The following RTN1 variants were observed in gnomAD, a reference collection of about 807,000 sequenced individuals.
RTN1 encodes the protein reticulon-1.
Under a neutral mutation model 65.5 loss-of-function variants are expected in RTN1, and 25 were observed. That is an observed-to-expected ratio of 0.38 (90% CI 0.28 to 0.53). The LOEUF is 0.53. Among genes scored for constraint, RTN1 ranks in the 20% least tolerant of loss-of-function variants. The pLI is 0.79. For synonymous variants in RTN1, 471 were observed against 447.6 expected (o/e 1.05, Z -0.66); for missense variants, 983 against 1,025.4 (o/e 0.96, Z 0.57).
Position 59,870,638 on chromosome 14 carries a change from G to A in RTN1, c.-8C>T, listed in dbSNP as rs1450458516. 5 of 1,378,762 alleles carry A rather than the reference G, an allele frequency of 3.6e-6. No homozygotes were observed. The allele number at this position is 1,378,762 out of a possible 1,614,324, so 85.4% of individuals were successfully genotyped here. On this transcript the variant is annotated 5_prime_UTR_variant, in exon 1 of 9. Coordinates refer to ENST00000267484, the MANE Select transcript of RTN1 (RefSeq NM_021136.3). This position sits in a 1 kb window ranked among gnomAD's most constrained non-coding sequence, Gnocchi z 5.1. Reference sequence around the variant, plus strand: ...ATCCCCCGGCGCGGCCATGGCTGGCGGTCCCCCGGCGCGGCGACGGCGGCT... The same window carrying A: ...ATCCCCCGGCGCGGCCATGGCTGGCAGTCCCCCGGCGCGGCGACGGCGGCT...
At chr14:59,670,174 G>A (rs1883472850) in intron 3 of RTN1, among the ~76,000 whole-genome samples, 1 of 152,196 alleles carries the variant, frequency 6.6e-6, no homozygotes, top group Admixed American at 6.5e-5. Context: ...AGTGTAGTGA[G>A]ATAGTGTAAA....
chr14:59,746,201 C>T lies in RTN1; in HGVS notation c.522G>A (p.Glu174=). The change falls in exon 2 of 9, where the codon GAG becomes GAA. Residue 174 remains glutamate (E), a synonymous_variant. Transcript: ENST00000267484. ...SDSGIEMTPA[E]STEVNKILAD... Reference sequence around the variant, plus strand: ...CTAAGATCTTGTTCACTTCCGTGGACTCTGCAGGAGTCATCTCTATTCCAG... The same window carrying T: ...CTAAGATCTTGTTCACTTCCGTGGATTCTGCAGGAGTCATCTCTATTCCAG... 3 of 1,610,990 alleles carry T rather than the reference C, an allele frequency of 1.9e-6. No individual in the cohort carries two copies. Among genetic ancestry groups the T allele is most frequent in the Non-Finnish European group, 2.5e-6 (3 of 1,178,850 alleles).
intron 2 of RTN1, among the ~76,000 whole-genome samples, chr14:59,733,087 T>C (rs1884934062): frequency 6.7e-6 from 1 of 150,162 alleles, no homozygotes; most frequent in Admixed American, 6.6e-5. Flanking sequence ...TGCTTTTTTT[T>C]TTTTTCTTTC....
At chr14:59,795,538 T>G (rs532288133) in intron 1 of RTN1, among the ~76,000 whole-genome samples, 1 of 152,098 alleles carries the variant, frequency 6.6e-6, no homozygotes, top group Non-Finnish European at 1.5e-5. Context: ...CCATCTCTAT[T>G]TATAAAAGTA....
chr14:59,857,047 T>C (rs1887621091), intron 1 of RTN1, among the ~76,000 whole-genome samples: 1 of 152,190 alleles, frequency 6.6e-6, no homozygotes, highest in South Asian at 2.1e-4. Context: ...CAGTCAGGGC[T>C]CATTCTGTAC....
intron 1 of RTN1, among the ~76,000 whole-genome samples, chr14:59,750,372 C>CTATAATATA (rs1885463426): frequency 1.5e-4 from 3 of 20,582 alleles, no homozygotes; most frequent in African/African-American, 7.0e-4. Flanking sequence ...TATATTATAT[C>CTATAATATA]TATATATTAT....
intron 3 of RTN1, chr14:59,630,481 TTGG>T: frequency 6.2e-7 from 1 of 1,613,846 alleles, no homozygotes; most frequent in East Asian, 2.2e-5. Context: ...ACAGTCCATC[TTGG>T]TGGAATCGGC....
intron 1 of RTN1, among the ~76,000 whole-genome samples, chr14:59,749,718 T>C (rs1367772982): frequency 1.6e-4 from 13 of 80,938 alleles, no homozygotes; most frequent in Middle Eastern, 0.016. Context: ...TCTATATATT[T>C]ATATATCTAT....
intron 1 of RTN1, among the ~76,000 whole-genome samples, chr14:59,811,963 G>A (rs568241543): frequency 6.6e-6 from 1 of 152,138 alleles, no homozygotes. Context: ...TAGGAAGGAG[G>A]AAAGGAGGGA....
chr14:59,636,458 T>C (rs1367286000), intron 3 of RTN1, among the ~76,000 whole-genome samples: 3 of 152,208 alleles, frequency 2.0e-5, no homozygotes, highest in African/African-American at 4.8e-5. Flanking sequence ...ACTGAGCAGA[T>C]GTTCGTGGCA....
intron 3 of RTN1, among the ~76,000 whole-genome samples, chr14:59,613,222 T>C (rs1882007662): frequency 6.6e-6 from 1 of 152,232 alleles, no homozygotes; most frequent in Non-Finnish European, 1.5e-5. Flanking sequence ...ATAAGAAATA[T>C]GAAAGGATTT....
At chr14:59,678,132 G>A (rs945956349) in intron 3 of RTN1, among the ~76,000 whole-genome samples, 2 of 152,146 alleles carry the variant, frequency 1.3e-5, no homozygotes, top group African/African-American at 4.8e-5. Flanking sequence ...TATAAACCCT[G>A]GAAAACAAGC....
At position 59,789,406 on chromosome 14, in the gene RTN1, T is replaced by C. The variant is rs1886307836; in HGVS notation, c.242-42925A>G. Reference sequence around the variant, plus strand: ...AGTTACTACTTCCTTTTCTTAAAGATTGAATTTTATCAAGTGCCTCTTTGG... The same window carrying C: ...AGTTACTACTTCCTTTTCTTAAAGACTGAATTTTATCAAGTGCCTCTTTGG... On this transcript the variant is annotated intron_variant, in intron 1 of 8. Transcript: ENST00000267484. Among the ~76,000 whole-genome samples, 3 of 152,170 alleles carry C rather than the reference T, an allele frequency of 2.0e-5. 1 individual carries two copies. Among genetic ancestry groups the C allele is most frequent in the South Asian group, 4.1e-4 (2 of 4,832 alleles).
At chr14:59,819,855 C>G (rs530300390) in intron 1 of RTN1, among the ~76,000 whole-genome samples, 1 of 152,136 alleles carries the variant, frequency 6.6e-6, no homozygotes, top group African/African-American at 2.4e-5. Flanking sequence ...GCCAGCCAGC[C>G]GCTCCGAGTG....
At position 59,749,580 on chromosome 14, in the gene RTN1, T is replaced by G. The variant is rs1275041878; in HGVS notation, c.242-3099A>C. ...ATATCTATATATAGATATATATATA[T>G]AGATATTTATATATATATCTATCTA... On this transcript the variant is annotated intron_variant, in intron 1 of 8. Transcript: ENST00000267484. Among the ~76,000 whole-genome samples, 18 of 37,202 alleles carry G rather than the reference T, an allele frequency of 4.8e-4. 1 individual carries two copies. The Admixed American group carries it at 6.7e-3, about 14-fold the overall frequency. 24.4% of individuals were successfully genotyped at this position (37,202 alleles called of 152,430 possible).
chr14:59,612,745 C>T (rs780091966), intron 3 of RTN1, among the ~76,000 whole-genome samples: 5 of 152,136 alleles, frequency 3.3e-5, no homozygotes, highest in African/African-American at 7.2e-5. Flanking sequence ...TGTGACCATG[C>T]GGGGATACTT....
chr14:59,741,298 C>T (rs1322717129), intron 2 of RTN1, among the ~76,000 whole-genome samples: 1 of 152,224 alleles, frequency 6.6e-6, no homozygotes, highest in African/African-American at 2.4e-5. Context: ...TGCTCCCTCA[C>T]TCCATTCAGT....
intron 1 of RTN1, among the ~76,000 whole-genome samples, chr14:59,784,696 T>C (rs188883057): frequency 6.6e-6 from 1 of 152,360 alleles, no homozygotes; most frequent in Non-Finnish European, 1.5e-5. Flanking sequence ...TTGTGAAATA[T>C]GTTTTCTCTC....
intron 1 of RTN1, among the ~76,000 whole-genome samples, chr14:59,758,849 G>GTTAATTGAT (rs1432795126): frequency 6.6e-6 from 1 of 152,138 alleles, no homozygotes; most frequent in Admixed American, 6.5e-5. Context: ...CATCAATCAT[G>GTTAATTGAT]TGTTAATTCA....
Sources: gnomAD v4.1 joint callset for allele counts (sites outside exome capture counted in the v4.1 genomes callset) on GRCh38, gnomAD v4.1.1 for gene constraint, Gnocchi (gnomAD v3.1) non-coding constraint, MANE v1.5 for transcripts, NCBI Gene and HGNC (gene_info 2026-07-23, HGNC 2026-07-21) for gene names.